The following ABCG2 variants were observed in gnomAD, a reference collection of about 807,000 sequenced individuals.
ABCG2 encodes the protein broad substrate specificity ATP-binding cassette transporter ABCG2.
Under a neutral mutation model 73.5 loss-of-function variants are expected in ABCG2, and 80 were observed. The observed-to-expected ratio is 1.09, with a 90% confidence interval of 0.91 to 1.31. The LOEUF is 1.31. Ranked by LOEUF, ABCG2 falls within the 50% of genes most tolerant of loss-of-function variation. The probability of loss-of-function intolerance (pLI) is 0.00; values close to 1 mark genes in which losing one functional copy is unlikely to be tolerated. For missense variants in ABCG2, 796 were observed against 786.2 expected (o/e 1.01, Z -0.15); for synonymous variants, 269 against 282.4 (o/e 0.95, Z 0.48).
intron 1 of ABCG2, among the ~76,000 whole-genome samples, chr4:88,167,181 G>A (rs550273699): frequency 3.3e-5 from 5 of 151,932 alleles, no homozygotes; most frequent in Admixed American, 2.6e-4. Context: ...AAAGAACCAA[G>A]CAGAGTAAGG....
At position 88,157,389 on chromosome 4, in the gene ABCG2, A is replaced by G. The variant is rs1727019923; in HGVS notation, c.-20+997T>C. 2.0e-5 allele frequency among the ~76,000 whole-genome samples: 3 copies of G among 152,224 alleles called. No homozygotes were observed. The South Asian group carries it at 6.2e-4, about 32-fold the overall frequency. On this transcript the variant is annotated intron_variant, in intron 1 of 15. Coordinates refer to ENST00000237612, the MANE Select transcript of ABCG2 (RefSeq NM_004827.3). Reference sequence around the variant, plus strand: ...GATCATCGATTGGATCCTGGGCAGAAAAAGGACAGTGGAAAGACAAGTGAA... The same window carrying G: ...GATCATCGATTGGATCCTGGGCAGAGAAAGGACAGTGGAAAGACAAGTGAA...
intron 1 of ABCG2, among the ~76,000 whole-genome samples, chr4:88,182,055 A>T (rs946320975): frequency 2.0e-5 from 3 of 152,152 alleles, no homozygotes; most frequent in Non-Finnish European, 2.9e-5. Flanking sequence ...ATAAAGACAC[A>T]CATAAACTGA....
intron 10 of ABCG2, among the ~76,000 whole-genome samples, chr4:88,104,664 G>GAAA (rs34090520): frequency 1.3e-5 from 2 of 150,024 alleles, no homozygotes; most frequent in Non-Finnish European, 1.5e-5. Context: ...AGCTTTGGGG[G>GAAA]AAAAAAAAAA....
intron 1 of ABCG2, among the ~76,000 whole-genome samples, chr4:88,215,776 T>G (rs1347244682): frequency 1.3e-5 from 2 of 152,182 alleles, no homozygotes; most frequent in Non-Finnish European, 2.9e-5. Flanking sequence ...TGAAAAATCA[T>G]TAATTCGCTG....
intron 1 of ABCG2, among the ~76,000 whole-genome samples, chr4:88,176,450 A>C (rs915888581): frequency 6.6e-6 from 1 of 151,178 alleles, no homozygotes; most frequent in African/African-American, 2.4e-5. Context: ...GCAGATAATA[A>C]ATACAGTAAT....
At chr4:88,191,162 G>A (rs1463742932) in intron 1 of ABCG2, among the ~76,000 whole-genome samples, 7 of 146,136 alleles carry the variant, frequency 4.8e-5, no homozygotes, top group Non-Finnish European at 9.0e-5. Flanking sequence ...GGAGAATGGC[G>A]TGAACCCAGG....
chr4:88,116,296 G>C (rs1723574227), intron 7 of ABCG2, among the ~76,000 whole-genome samples: 1 of 152,248 alleles, frequency 6.6e-6, no homozygotes, highest in Admixed American at 6.5e-5. Flanking sequence ...ATTCTCGATA[G>C]AACATGGCCA....
chr4:88,199,930 A>G (rs925748953), intron 1 of ABCG2, among the ~76,000 whole-genome samples: 1 of 152,208 alleles, frequency 6.6e-6, no homozygotes, highest in African/African-American at 2.4e-5. Flanking sequence ...TGAACCCGGC[A>G]GGCAGAGCTT....
chr4:88,205,744 G>A (rs564326878), intron 1 of ABCG2, among the ~76,000 whole-genome samples: 27 of 152,016 alleles, frequency 1.8e-4, no homozygotes, highest in African/African-American at 5.8e-4. Context: ...GTGCAGTGGC[G>A]CGATCTCAGC....
chr4:88,153,225 A>C (rs1369104988), intron 1 of ABCG2, among the ~76,000 whole-genome samples: 2 of 16 alleles, frequency 0.12, no homozygotes, highest in African/African-American at 0.33. Flanking sequence ...AGTGTAAACA[A>C]GAGCGGGCAT....
At chr4:88,166,414 A>T (rs1251786669) in intron 1 of ABCG2, among the ~76,000 whole-genome samples, 1 of 152,178 alleles carries the variant, frequency 6.6e-6, no homozygotes, top group Non-Finnish European at 1.5e-5. Flanking sequence ...TATTATTGGC[A>T]TATAAATTCT....
In ABCG2 at chr4:88,144,879, C is replaced by T. The variant is rs918921381; in HGVS notation, c.-19-4865G>A. Reference sequence around the variant, plus strand: ...CAATTTTTTTACTCTTTATCAAACTCTTAATTGTATAGAACACTCTTTACA... The same window carrying T: ...CAATTTTTTTACTCTTTATCAAACTTTTAATTGTATAGAACACTCTTTACA... On this transcript the variant is annotated intron_variant, in intron 1 of 15. Coordinates refer to ENST00000237612, the MANE Select transcript of ABCG2 (RefSeq NM_004827.3). Among the ~76,000 whole-genome samples the T allele has an allele frequency of 5.9e-5, 9 of 152,052 alleles. No homozygotes were observed. In the South Asian group the frequency reaches 1.9e-3, roughly 31 times the overall value.
intron 1 of ABCG2, among the ~76,000 whole-genome samples, chr4:88,175,149 T>G (rs535164492): frequency 6.6e-6 from 1 of 152,354 alleles, no homozygotes; most frequent in South Asian, 2.1e-4. Flanking sequence ...TTGATTTACT[T>G]AAGAAACAGA....
chr4:88,115,232 G>GTCTCTCTCTCTCTGTGTC (rs1553933353), intron 7 of ABCG2, among the ~76,000 whole-genome samples, 174 bp from the exon 8 acceptor site: 1 of 28,970 alleles, frequency 3.5e-5, no homozygotes, highest in Admixed American at 5.3e-4. Context: ...TATATATTCA[G>GTCTCTCTCTCTCTGTGTC]TCTCTCTCTC....
chr4:88,202,695 G>A (rs1729232476), intron 1 of ABCG2, among the ~76,000 whole-genome samples: 1 of 151,462 alleles, frequency 6.6e-6, no homozygotes, highest in African/African-American at 2.4e-5. Context: ...GAGGTTCTCC[G>A]GGGACCCCTT....
chr4:88,216,174 C>T (rs1211354385), intron 1 of ABCG2, among the ~76,000 whole-genome samples: 1 of 152,188 alleles, frequency 6.6e-6, no homozygotes, highest in Non-Finnish European at 1.5e-5. Flanking sequence ...AGCGATATAT[C>T]TGGCTGTTTA....
Position 88,140,033 on chromosome 4 carries a change from T to C in ABCG2, c.-19-19A>G, listed in dbSNP as rs561417900. 2.1e-5 allele frequency: 34 copies of C among 1,593,980 alleles called. No individual in the cohort carries two copies. Among genetic ancestry groups the C allele is most frequent in the African/African-American group, 2.0e-4 (15 of 74,610 alleles). Reference sequence around the variant, plus strand: ...TATCTTTCTGCAGACAGAAAAGCAATAGTAAGTTGATAGTCCAGATAAATG... The same window carrying C: ...TATCTTTCTGCAGACAGAAAAGCAACAGTAAGTTGATAGTCCAGATAAATG... On this transcript the variant is annotated intron_variant, in intron 1 of 15. Transcript: ENST00000237612.
rs375121452 is a variant in ABCG2 at position 88,115,070 on chromosome 4, G to A, written c.842-12C>T. The A allele has an allele frequency of 1.2e-5, 19 of 1,584,896 alleles. No individual in the cohort carries two copies. Among genetic ancestry groups the A allele is most frequent in the Admixed American group, 1.7e-5 (1 of 59,154 alleles). ...CTCACAGTGATAACCTATGAAAGAA[G>A]GCAGCTCAAAAACACAAACTTGATG... is the stretch of plus-strand genomic sequence containing the variant. On this transcript the variant is annotated splice_polypyrimidine_tract_variant and intron_variant, in intron 7 of 15. Transcript: ENST00000237612.
In ABCG2 at chr4:88,131,919, TA is replaced by T; in HGVS notation, c.264-3del. The T allele has an allele frequency of 6.2e-7, 1 of 1,608,386 alleles. No homozygotes were observed. Among genetic ancestry groups the T allele is most frequent in the Non-Finnish European group, 8.5e-7 (1 of 1,175,036 alleles). On this transcript the variant is annotated splice_polypyrimidine_tract_variant and splice_region_variant and intron_variant, in intron 3 of 15. Coordinates refer to ENST00000237612, the MANE Select transcript of ABCG2 (RefSeq NM_004827.3). ...CTTGCAGCTAAGACATCTAATAACC[TA>T]TAAGAGGACATATATGTTGTGGGTC... is the stretch of plus-strand genomic sequence containing the variant.
Sources: allele counts gnomAD v4.1 joint callset (sites outside exome capture counted in the v4.1 genomes callset), GRCh38; gene constraint gnomAD v4.1.1; transcripts MANE v1.5; gene names NCBI Gene and HGNC (gene_info 2026-07-23, HGNC 2026-07-21).